Variants in PPP6R3 observed in about 807,000 individuals in gnomAD.
The protein encoded by PPP6R3 is protein phosphatase 6 regulatory subunit 3.
PPP6R3 carries 38 observed loss-of-function variants against 110.7 expected under a neutral mutation model. The ratio of observed to expected loss-of-function variants is 0.34; its 90% CI spans 0.26 to 0.45. The LOEUF (loss-of-function observed/expected upper bound fraction) is 0.45, where lower values mean the gene tolerates loss of function less well. PPP6R3 is among the 20% of genes least tolerant of loss of function. The probability of loss-of-function intolerance (pLI) is 1.00; values close to 1 mark genes in which losing one functional copy is unlikely to be tolerated. For synonymous variants in PPP6R3, 369 were observed against 373.5 expected (o/e 0.99, Z 0.14); for missense variants, 870 against 1,062.4 (o/e 0.82, Z 2.52).
chr11:68,519,481 C>CTT lies in PPP6R3; in HGVS notation c.-157-11_-157-10dup. The stretch of plus-strand genomic sequence containing the variant: ...AAAAGAGAACATATGTGATTATCTG[C>CTT]TTTTTTTTTTCTTTTACAGGAGAGC... On this transcript the variant is annotated intron_variant, in intron 1 of 23. Coordinates refer to ENST00000393800, the MANE Select transcript of PPP6R3 (RefSeq NM_001164161.2). 8.6e-6 allele frequency: 3 copies of CTT among 348,576 alleles called. No homozygotes were observed. The highest frequency in any genetic ancestry group is 1.5e-5 in the Non-Finnish European group (3 of 194,814). The allele number at this position is 348,576 out of a possible 1,614,324, so 21.6% of individuals were successfully genotyped here. A position where few individuals can be genotyped will look rare whatever the true frequency, so the allele number is the denominator to read the frequency against.
At position 68,591,672 on chromosome 11, in the gene PPP6R3, A is replaced by G. The variant is rs1211115424; in HGVS notation, c.1882A>G (p.Ile628Val). The change falls in exon 18 of 24, where the codon ATC (isoleucine) becomes GTC (valine). Residue 628 changes from isoleucine to valine, a missense_variant. Physicochemically the swap from Ile to Val is conservative, Grantham distance 29. Coordinates refer to ENST00000393800, the MANE Select transcript of PPP6R3 (RefSeq NM_001164161.2). The part of the protein sequence containing the change: ...DEEDIWEEKH[I>V]AFTPESQRRS... Reference sequence around the variant, plus strand: ...GGAAGATATATGGGAGGAAAAGCACATCGCATTCACACCAGAATCCCAAAG... The same window carrying G: ...GGAAGATATATGGGAGGAAAAGCACGTCGCATTCACACCAGAATCCCAAAG... The G allele has an allele frequency of 1.2e-6, 2 of 1,613,436 alleles. No individual in the cohort carries two copies. The highest frequency in any genetic ancestry group is 1.7e-6 in the Non-Finnish European group (2 of 1,179,698).
intron 11 of PPP6R3, 42 bp downstream of exon 11, chr11:68,569,939 T>G (rs755038213): frequency 9.7e-6 from 15 of 1,548,580 alleles, no homozygotes; most frequent in African/African-American, 2.7e-5. Flanking sequence ...TCTCTCCTGG[T>G]TATAGCAGTT....
At position 68,545,099 on chromosome 11, in the gene PPP6R3, T is replaced by C; in HGVS notation, c.414+75T>C. ...AGGTGATCCCCCAGTACTTGTTGCT[T>C]TAAGAGTTCTAACTTTGCCTTAAGT... On this transcript the variant is annotated intron_variant, in intron 4 of 23. Transcript: ENST00000393800. 4 of 1,197,704 alleles carry C rather than the reference T, an allele frequency of 3.3e-6. No individual in the cohort carries two copies. In the Admixed American group the frequency reaches 9.8e-5, roughly 29 times the overall value. 74.2% of individuals were successfully genotyped at this position (1,197,704 alleles called of 1,614,324 possible). A position where few individuals can be genotyped will look rare whatever the true frequency, so the allele number is the denominator to read the frequency against.
At chr11:68,570,932 C>A (rs2099501942) in intron 11 of PPP6R3, 108 bp from the exon 12 acceptor site, 2 of 1,350,034 alleles carry the variant, frequency 1.5e-6, no homozygotes, top group Admixed American at 2.8e-5. Context: ...TAACATTTAG[C>A]TTGCTAGATT....
chr11:68,461,494 T>TGGGGGGGGGG (rs61434771), intron 1 of PPP6R3, among the ~76,000 whole-genome samples: 4 of 83,294 alleles, frequency 4.8e-5, no homozygotes, highest in East Asian at 4.0e-4. Context: ...GAGCCGGGGG[T>TGGGGGGGGGG]GGGGGGGGTG....
intron 20 of PPP6R3, among the ~76,000 whole-genome samples, chr11:68,601,346 G>A (rs903265125): frequency 3.3e-5 from 5 of 152,174 alleles, no homozygotes; most frequent in Admixed American, 3.3e-4. Context: ...AAGAGGAAGT[G>A]TAATGATCTC....
intron 18 of PPP6R3, 106 bp downstream of exon 18, chr11:68,591,812 A>C: frequency 7.6e-7 from 1 of 1,322,082 alleles, no homozygotes; most frequent in Non-Finnish European, 9.9e-7. Context: ...TAACCCAGAA[A>C]CCAGTGTTTT....
Position 68,569,916 on chromosome 11 carries a change from G to A in PPP6R3, c.1278+19G>A, listed in dbSNP as rs764752649. The A allele has an allele frequency of 5.7e-6, 9 of 1,590,180 alleles. No individual in the cohort carries two copies. Among genetic ancestry groups the A allele is most frequent in the African/African-American group, 1.3e-5 (1 of 74,430 alleles). On this transcript the variant is annotated intron_variant, in intron 11 of 23. Coordinates refer to ENST00000393800, the MANE Select transcript of PPP6R3 (RefSeq NM_001164161.2). ...AAAACATGTAAGCTTATTTGGTCTC[G>A]TTTTTCTCCCACTCTCTCCTGGTTA...
At chr11:68,541,167 A>G (rs573990918) in intron 3 of PPP6R3, among the ~76,000 whole-genome samples, 4 of 152,394 alleles carry the variant, frequency 2.6e-5, no homozygotes, top group African/African-American at 7.2e-5. Context: ...ATAAATGTCT[A>G]TGAAATCTTC....
intron 15 of PPP6R3, among the ~76,000 whole-genome samples, chr11:68,584,265 G>A (rs996135520): frequency 1.3e-5 from 2 of 152,158 alleles, no homozygotes; most frequent in African/African-American, 2.4e-5. Context: ...GGGCCGTGGC[G>A]GTGGCCCACC....
chr11:68,491,493 A>C (rs1031252397), intron 1 of PPP6R3, among the ~76,000 whole-genome samples: 1 of 151,770 alleles, frequency 6.6e-6, no homozygotes, highest in African/African-American at 2.4e-5. Flanking sequence ...ACAGTCAGAC[A>C]CCACTGTGCC....
rs570566324 is a variant in PPP6R3, at chr11:68,558,461, A to G, written c.732-105A>G. On this transcript the variant is annotated intron_variant, in intron 7 of 23. Coordinates refer to ENST00000393800, the MANE Select transcript of PPP6R3 (RefSeq NM_001164161.2). ...TAAAATAGTAAAACAAATATGCCCA[A>G]GTATGAACTCTTCAGTGATGCTTGT... 115 of 680,844 alleles carry G rather than the reference A, an allele frequency of 1.7e-4. No homozygotes were observed. The African/African-American group carries it at 1.8e-3, about 11-fold the overall frequency. 42.2% of individuals were successfully genotyped at this position (680,844 alleles called of 1,614,324 possible).
intron 1 of PPP6R3, among the ~76,000 whole-genome samples, chr11:68,518,477 A>G (rs1399270396): frequency 1.3e-5 from 2 of 152,174 alleles, no homozygotes; most frequent in African/African-American, 4.8e-5. Context: ...CATGATCCTA[A>G]ATTGGAGGGA....
chr11:68,515,748 A>G (rs2099133386), intron 1 of PPP6R3, among the ~76,000 whole-genome samples: 1 of 152,104 alleles, frequency 6.6e-6, no homozygotes, highest in Non-Finnish European at 1.5e-5. Context: ...ACTCCATTTA[A>G]CTGTAATTAC....
chr11:68,611,689 CACGAAGAAGGG>C (rs1254488696), intron 23 of PPP6R3, among the ~76,000 whole-genome samples: 1 of 152,102 alleles, frequency 6.6e-6, no homozygotes, highest in African/African-American at 2.4e-5. Flanking sequence ...ATCAAGAAGC[CACGAAGAAGGG>C]ACAGGGGTCC....
chr11:68,596,094 T>C lies in PPP6R3; in HGVS notation c.1917-3T>C. 6.2e-7 allele frequency: 1 copy of C among 1,614,176 alleles called. No homozygotes were observed. Among genetic ancestry groups the C allele is most frequent in the South Asian group, 1.1e-5 (1 of 91,082 alleles). On this transcript the variant is annotated splice_polypyrimidine_tract_variant and splice_region_variant and intron_variant, in intron 18 of 23. Coordinates refer to ENST00000393800, the MANE Select transcript of PPP6R3 (RefSeq NM_001164161.2). ...TAAATACTTGGGTCTTGTTTTTCCT[T>C]AGCTCGGGGAGTACAGACAGTGAGG...
At chr11:68,586,921 A>G (rs2099580341) in intron 15 of PPP6R3, 1 of 152,060 alleles carries the variant, frequency 6.6e-6, no homozygotes, top group South Asian at 2.1e-4. Context: ...AGTGGGAGTG[A>G]TGCCTTCAGT....
intron 14 of PPP6R3, among the ~76,000 whole-genome samples, chr11:68,581,527 CT>C (rs1388755173): frequency 2.0e-5 from 3 of 152,270 alleles, no homozygotes; most frequent in Non-Finnish European, 2.9e-5. Flanking sequence ...GGTTACACCC[CT>C]AAAACACACT....
chr11:68,548,049 T>C lies in PPP6R3; in HGVS notation c.415-18T>C. 1 of 1,604,852 alleles carries C rather than the reference T, an allele frequency of 6.2e-7. No individual in the cohort carries two copies. The highest frequency in any genetic ancestry group is 8.5e-7 in the Non-Finnish European group (1 of 1,175,884). ...TCCAAGTTACATGTCTTTCAGTTTC[T>C]GATCTGTTCTTCTCTAGATTGTGGA... On this transcript the variant is annotated intron_variant, in intron 4 of 23. Coordinates refer to ENST00000393800, the MANE Select transcript of PPP6R3 (RefSeq NM_001164161.2).
Sources: allele counts gnomAD v4.1 joint callset (sites outside exome capture counted in the v4.1 genomes callset), GRCh38; gene constraint gnomAD v4.1.1; transcripts MANE v1.5; gene names NCBI Gene and HGNC (gene_info 2026-07-23, HGNC 2026-07-21).